The following USP6NL variants were observed in gnomAD, a reference collection of about 807,000 sequenced individuals.
USP6NL encodes USP6 N-terminal like.
In USP6NL, 26 loss-of-function variants were observed where a neutral mutation model predicts 61.9. That is an observed-to-expected ratio of 0.42 (90% CI 0.31 to 0.58). The LOEUF is 0.58. Among genes scored for constraint, USP6NL ranks in the 20% least tolerant of loss-of-function variants. The pLI, the probability that USP6NL is intolerant of heterozygous loss-of-function variation, is 0.16. For missense variants in USP6NL, 1,114 were observed against 1,034.3 expected (o/e 1.08, Z -1.06); for synonymous variants, 432 against 390.1 (o/e 1.11, Z -1.27).
intron 6 of USP6NL, among the ~76,000 whole-genome samples, chr10:11,505,702 A>G (rs1192154162): frequency 6.6e-6 from 1 of 152,192 alleles, no homozygotes; most frequent in Non-Finnish European, 1.5e-5. Context: ...CCAACAAATG[A>G]CTAATGTTTT....
At chr10:11,479,566 T>TG (rs528990398) in intron 14 of USP6NL, among the ~76,000 whole-genome samples, 10,508 of 108,254 alleles carry the variant, frequency 0.097, 498 homozygotes, top group South Asian at 0.22. Context: ...CATGTAGGTG[T>TG]TTTTTTTTTT....
intron 8 of USP6NL, among the ~76,000 whole-genome samples, chr10:11,492,334 G>C (rs764187117): frequency 6.6e-6 from 1 of 152,206 alleles, no homozygotes; most frequent in Non-Finnish European, 1.5e-5. Context: ...CACTGATCTA[G>C]GTGTCACTGG....
At chr10:11,547,460 G>A (rs964379234) in intron 2 of USP6NL, among the ~76,000 whole-genome samples, 1 of 151,812 alleles carries the variant, frequency 6.6e-6, no homozygotes, top group African/African-American at 2.4e-5. Context: ...ACAGCTGCCT[G>A]ATAATTATAA....
chr10:11,500,902 T>C (rs1469479788), intron 7 of USP6NL, among the ~76,000 whole-genome samples, 199 bp downstream of exon 7: 1 of 152,218 alleles, frequency 6.6e-6, no homozygotes. Flanking sequence ...GACAATAACA[T>C]TTTTACTGAA....
chr10:11,537,191 G>C lies in USP6NL; in HGVS notation c.5-9624C>G, dbSNP rs984808859. Among the ~76,000 whole-genome samples, 2 of 151,138 alleles carry C rather than the reference G, an allele frequency of 1.3e-5. No homozygotes were observed. The highest frequency in any genetic ancestry group is 4.9e-5 in the African/African-American group (2 of 41,198). ...AGTGGCACGATCACAGTTCACTGCA[G>C]CGTCAATCTCCCAGGTGATCCTCCC... is the stretch of plus-strand genomic sequence containing the variant. On this transcript the variant is annotated intron_variant, in intron 2 of 14. Coordinates refer to ENST00000609104, the MANE Select transcript of USP6NL (RefSeq NM_014688.5). The surrounding 1 kb of genome is among the most constrained non-coding windows in gnomAD (Gnocchi z 5.1).
rs542001949 is a variant in USP6NL, at chr10:11,561,635, A to G, written c.5-34068T>C. Among the ~76,000 whole-genome samples the G allele has an allele frequency of 4.6e-5, 7 of 152,344 alleles. No individual in the cohort carries two copies. The South Asian group carries it at 1.5e-3, about 32-fold the overall frequency. On this transcript the variant is annotated intron_variant, in intron 2 of 14. Transcript: ENST00000609104. This position sits in a 1 kb window ranked among gnomAD's most constrained non-coding sequence, Gnocchi z 4.1. ...ACTAACCTTTCTTCTACTGACAGAT[A>G]AGTTCTACTGGTTTGGGTATTGTAA...
rs746202204 is a variant in USP6NL, at chr10:11,513,984, C to T, written c.196-4309G>A. On this transcript the variant is annotated intron_variant, in intron 5 of 14. Transcript: ENST00000609104. The surrounding 1 kb of genome is among the most constrained non-coding windows in gnomAD (Gnocchi z 4.7). ...CTGGATTTCAGCAGGATTATCACCC[C>T]ATTATGTTGTCTTTCCCAGCACATC... Among the ~76,000 whole-genome samples, 5 of 152,178 alleles carry T rather than the reference C, an allele frequency of 3.3e-5. No individual in the cohort carries two copies. The highest frequency in any genetic ancestry group is 4.8e-5 in the African/African-American group (2 of 41,436).
Position 11,609,708 on chromosome 10 carries a change from G to C in USP6NL, c.-84+1735C>G, listed in dbSNP as rs575116349. Among the ~76,000 whole-genome samples, 8 of 152,304 alleles carry C rather than the reference G, an allele frequency of 5.3e-5. No homozygotes were observed. In the South Asian group the frequency reaches 1.7e-3, roughly 32 times the overall value. ...AGGACTTGACACACATGGGCACATG[G>C]TGGCAAAGATGGACCAAGGCAACCC... On this transcript the variant is annotated intron_variant, in intron 1 of 14. Coordinates refer to ENST00000609104, the MANE Select transcript of USP6NL (RefSeq NM_014688.5).
chr10:11,492,698 T>C (rs899258973), intron 8 of USP6NL, among the ~76,000 whole-genome samples: 1 of 152,268 alleles, frequency 6.6e-6, no homozygotes, highest in African/African-American at 2.4e-5. Context: ...TTTTCATTTA[T>C]AAGTTGTCAT....
chr10:11,605,251 G>A (rs1194227784), intron 1 of USP6NL, among the ~76,000 whole-genome samples: 2 of 152,100 alleles, frequency 1.3e-5, no homozygotes, highest in Non-Finnish European at 2.9e-5. Flanking sequence ...AGGCTAGGAG[G>A]ACAAAATGTC....
intron 2 of USP6NL, among the ~76,000 whole-genome samples, chr10:11,556,287 A>G (rs1836703580): frequency 1.3e-5 from 2 of 152,244 alleles, no homozygotes; most frequent in Non-Finnish European, 1.5e-5. Flanking sequence ...ACACTAAAGA[A>G]TAACAAAATG....
At chr10:11,578,715 T>C (rs957529966) in intron 2 of USP6NL, among the ~76,000 whole-genome samples, 1 of 152,228 alleles carries the variant, frequency 6.6e-6, no homozygotes, top group Non-Finnish European at 1.5e-5. Flanking sequence ...TTTAGAACAG[T>C]GATTTGAGAA....
At chr10:11,571,858 C>A (rs931907984) in intron 2 of USP6NL, among the ~76,000 whole-genome samples, 1 of 150,434 alleles carries the variant, frequency 6.6e-6, no homozygotes, top group African/African-American at 2.4e-5. Flanking sequence ...GTATATACTT[C>A]CTGTTTTTCA....
intron 14 of USP6NL, among the ~76,000 whole-genome samples, chr10:11,471,256 T>C (rs1401268958): frequency 2.6e-5 from 4 of 152,110 alleles, no homozygotes; most frequent in South Asian, 2.1e-4. Flanking sequence ...GAATAAAGAC[T>C]TACTGCCAAC....
chr10:11,494,792 T>C lies in USP6NL; in HGVS notation c.385-1564A>G, dbSNP rs150200676. ...ATTTCTGCTTATTAGAGACTTTTAG[T>C]ACTTTCACTAATTGACTACTGCTAT... On this transcript the variant is annotated intron_variant, in intron 7 of 14. Transcript: ENST00000609104. Among the ~76,000 whole-genome samples, 717 of 152,282 alleles carry C rather than the reference T, an allele frequency of 4.7e-3. 2 individuals are homozygous for C. The highest frequency in any genetic ancestry group is 0.017 in the African/African-American group (690 of 41,548).
In USP6NL at chr10:11,482,957, A is replaced by G. The variant is rs1833265368; in HGVS notation, c.926-1035T>C. ...ATGACTAAGTCAAGCTAATTGACAC[A>G]TCATTACCTCACATACTTATCTGTC... On this transcript the variant is annotated intron_variant, in intron 13 of 14. Transcript: ENST00000609104. This position sits in a 1 kb window ranked among gnomAD's most constrained non-coding sequence, Gnocchi z 4.0. Among the ~76,000 whole-genome samples, 1 of 152,188 alleles carries G rather than the reference A, an allele frequency of 6.6e-6. No individual in the cohort carries two copies. Among genetic ancestry groups the G allele is most frequent in the Non-Finnish European group, 1.5e-5 (1 of 68,036 alleles).
chr10:11,565,098 C>A (rs571225692), intron 2 of USP6NL: 1 of 152,156 alleles, frequency 6.6e-6, no homozygotes, highest in African/African-American at 2.4e-5. Context: ...AAGTTAATAG[C>A]CCGTTTAAAG....
In USP6NL at chr10:11,555,458, A is replaced by AT. The variant is rs1836668857; in HGVS notation, c.5-27892_5-27891insA. Among the ~76,000 whole-genome samples, 3 of 98,918 alleles carry AT rather than the reference A, an allele frequency of 3.0e-5. 1 individual carries two copies. The South Asian group carries it at 1.2e-3, about 39-fold the overall frequency. 64.9% of individuals were successfully genotyped at this position (98,918 alleles called of 152,430 possible). On this transcript the variant is annotated intron_variant, in intron 2 of 14. Transcript: ENST00000609104. ...AATATATATATATATATATAGAGAG[A>AT]GAGAGAGAGAGAAAGAGAGAGAGAG...
At chr10:11,471,462 C>T (rs978950114) in intron 14 of USP6NL, among the ~76,000 whole-genome samples, 2 of 152,216 alleles carry the variant, frequency 1.3e-5, no homozygotes, top group Admixed American at 6.5e-5. Context: ...TTGACCCAGC[C>T]ATCCCATTAC....
Sources: gnomAD v4.1 joint callset for allele counts (sites outside exome capture counted in the v4.1 genomes callset) on GRCh38, gnomAD v4.1.1 for gene constraint, Gnocchi (gnomAD v3.1) non-coding constraint, MANE v1.5 for transcripts, NCBI Gene and HGNC (gene_info 2026-07-23, HGNC 2026-07-21) for gene names.